The following ROBO2 variants were observed in gnomAD, a reference collection of about 807,000 sequenced individuals.
ROBO2 encodes the protein roundabout homolog 2.
Under a neutral mutation model 160.8 loss-of-function variants are expected in ROBO2, and 53 were observed. The observed-to-expected ratio is 0.33, with a 90% CI of 0.26 to 0.41. ROBO2 has a LOEUF of 0.41. Among genes scored for constraint, ROBO2 ranks in the 10% least tolerant of loss-of-function variants. The probability of loss-of-function intolerance (pLI) is 1.00; values close to 1 mark genes in which losing one functional copy is unlikely to be tolerated. For synonymous variants in ROBO2, 664 were observed against 611.7 expected (o/e 1.09, Z -1.26); for missense variants, 1,577 against 1,722.4 (o/e 0.92, Z 1.49).
At chr3:77,280,349 T>G (rs1359127242) in intron 2 of ROBO2, among the ~76,000 whole-genome samples, 1 of 152,210 alleles carries the variant, frequency 6.6e-6, no homozygotes, top group African/African-American at 2.4e-5. Flanking sequence ...TGGAAAGTTA[T>G]AGCTAATTTA....
At chr3:76,603,351 A>AAAATATATATAT (rs1553826368) in intron 2 of ROBO2, among the ~76,000 whole-genome samples, 4 of 26,408 alleles carry the variant, frequency 1.5e-4, no homozygotes, top group African/African-American at 4.7e-4. Context: ...AAAAAAAAAA[A>AAAATATATATAT]ATATATATAT....
intron 2 of ROBO2, among the ~76,000 whole-genome samples, chr3:76,090,901 A>G (rs528353299): frequency 6.6e-6 from 1 of 152,300 alleles, no homozygotes; most frequent in East Asian, 1.9e-4. Flanking sequence ...CCACATGCGA[A>G]CAAACTAAGT....
At chr3:76,639,185 C>T (rs1022498772) in intron 2 of ROBO2, among the ~76,000 whole-genome samples, 5 of 151,292 alleles carry the variant, frequency 3.3e-5, no homozygotes, top group African/African-American at 1.2e-4. Context: ...TATATGTATA[C>T]ATGTGTATAT....
chr3:77,119,942 T>C (rs2074583353), intron 2 of ROBO2, among the ~76,000 whole-genome samples: 1 of 152,244 alleles, frequency 6.6e-6, no homozygotes. Flanking sequence ...GCCTTCCTTC[T>C]AATGTTCTTG....
At chr3:76,835,525 C>G (rs772625444) in intron 2 of ROBO2, among the ~76,000 whole-genome samples, 3 of 150,538 alleles carry the variant, frequency 2.0e-5, no homozygotes, top group African/African-American at 7.3e-5. Context: ...TATACATACA[C>G]AGTCACAAAC....
chr3:76,481,103 G>A lies in ROBO2; in HGVS notation c.109+543501G>A, dbSNP rs188693225. On this transcript the variant is annotated intron_variant, in intron 2 of 26. Transcript: ENST00000487694. ...ATAGGAGATATGAGCAAGGAAATGC[G>A]TCTCAATGACCTGAAAGTTTTCACT... Among the ~76,000 whole-genome samples, 10 of 152,206 alleles carry A rather than the reference G, an allele frequency of 6.6e-5. 1 individual carries two copies. The highest frequency in any genetic ancestry group is 4.2e-4 in the South Asian group (2 of 4,818).
chr3:76,226,504 G>A (rs891395217), intron 2 of ROBO2, among the ~76,000 whole-genome samples: 12 of 152,230 alleles, frequency 7.9e-5, no homozygotes, highest in East Asian at 5.8e-4. Flanking sequence ...CGAGTAAGGA[G>A]AACTACGTGT....
At position 77,617,425 on chromosome 3, in the gene ROBO2, T is replaced by C. The variant is rs182767576; in HGVS notation, c.3294-88T>C. 124 of 1,420,136 alleles carry C rather than the reference T, an allele frequency of 8.7e-5. No individual in the cohort carries two copies. The East Asian group carries it at 2.5e-3, about 28-fold the overall frequency. 88.0% of individuals were successfully genotyped at this position (1,420,136 alleles called of 1,614,324 possible). On this transcript the variant is annotated intron_variant, in intron 21 of 25. Transcript: ENST00000461745. ...CCGAGAGAACATTTCAGATACCATG[T>C]GGTTGCTACTTATTGCCAGTATAAT...
intron 2 of ROBO2, among the ~76,000 whole-genome samples, chr3:77,327,559 C>T (rs2065535140): frequency 6.6e-6 from 1 of 152,030 alleles, no homozygotes; most frequent in South Asian, 2.1e-4. Context: ...TATATGGACC[C>T]CAACTATTAA....
intron 2 of ROBO2, among the ~76,000 whole-genome samples, chr3:77,409,543 G>A (rs888060636): frequency 1.3e-5 from 2 of 152,062 alleles, no homozygotes; most frequent in African/African-American, 2.4e-5. Context: ...GATCCCAGCT[G>A]GGGGGATGAG....
intron 2 of ROBO2, among the ~76,000 whole-genome samples, chr3:76,193,076 A>G (rs1456850370): frequency 2.6e-5 from 4 of 151,946 alleles, no homozygotes; most frequent in Non-Finnish European, 5.9e-5. Flanking sequence ...AGTGGTTTCT[A>G]TAGCACCATC....
chr3:77,610,569 G>C (rs1329884814), intron 21 of ROBO2, among the ~76,000 whole-genome samples: 1 of 151,802 alleles, frequency 6.6e-6, no homozygotes, highest in African/African-American at 2.4e-5. Flanking sequence ...AACATTTGGT[G>C]GCTGTTGGAT....
intron 2 of ROBO2, among the ~76,000 whole-genome samples, chr3:76,117,360 A>AT: frequency 6.6e-6 from 1 of 152,316 alleles, no homozygotes; most frequent in South Asian, 2.1e-4. Flanking sequence ...GTCTGACCTT[A>AT]ATCTATTTGA....
chr3:77,556,528 GA>G (rs2093128340), intron 8 of ROBO2, among the ~76,000 whole-genome samples: 1 of 151,808 alleles, frequency 6.6e-6, no homozygotes, highest in African/African-American at 2.4e-5. Context: ...GATAGGTTCT[GA>G]AAAGGCTGCT....
At position 77,533,472 on chromosome 3, in the gene ROBO2, G is replaced by A. The variant is rs577558651; in HGVS notation, c.934+10570G>A. ...CAGGTTGCACTCTCCTCCGGAGACTGTCCAGAGGAATCCACTTCAAAGTTC... is the reference window on the plus strand; with the variant it reads ...CAGGTTGCACTCTCCTCCGGAGACTATCCAGAGGAATCCACTTCAAAGTTC... On this transcript the variant is annotated intron_variant, in intron 6 of 25. Coordinates refer to ENST00000461745, the Ensembl canonical transcript of ROBO2. 2.0e-5 allele frequency among the ~76,000 whole-genome samples: 3 copies of A among 152,300 alleles called. No individual in the cohort carries two copies. The South Asian group carries it at 6.2e-4, about 32-fold the overall frequency.
chr3:77,263,261 GTTTTA>G (rs2058894797), intron 2 of ROBO2, among the ~76,000 whole-genome samples: 3 of 152,096 alleles, frequency 2.0e-5, no homozygotes, highest in Admixed American at 6.6e-5. Flanking sequence ...ATATTTTTAA[GTTTTA>G]TTTTAAGTTC....
At chr3:76,531,480 A>G (rs897397602) in intron 2 of ROBO2, among the ~76,000 whole-genome samples, 8 of 151,782 alleles carry the variant, frequency 5.3e-5, no homozygotes, top group Admixed American at 2.6e-4. Context: ...CTTCTCGAAT[A>G]TATTTTTTAA....
At chr3:75,939,833 A>T (rs1947961763) in intron 2 of ROBO2, among the ~76,000 whole-genome samples, 1 of 152,168 alleles carries the variant, frequency 6.6e-6, no homozygotes, top group African/African-American at 2.4e-5. Context: ...ATTACTAAAT[A>T]TCTTTTAAAA....
chr3:76,245,904 A>C (rs529169932), intron 2 of ROBO2, among the ~76,000 whole-genome samples: 5 of 152,282 alleles, frequency 3.3e-5, no homozygotes, highest in African/African-American at 9.6e-5. Flanking sequence ...ATTCTGGAGA[A>C]GTTTTCTACC....
Sources: allele counts gnomAD v4.1 joint callset (sites outside exome capture counted in the v4.1 genomes callset), GRCh38; gene constraint gnomAD v4.1.1; transcripts MANE v1.5; gene names NCBI Gene and HGNC (gene_info 2026-07-23, HGNC 2026-07-21).